The following ZNF440 variants were observed in gnomAD, a reference collection of about 807,000 sequenced individuals.
The protein encoded by ZNF440 is zinc finger protein 440.
In ZNF440, 47 loss-of-function variants were observed where a neutral mutation model predicts 49.7. The observed-to-expected ratio is 0.95, with a 90% CI of 0.75 to 1.21. ZNF440 has a LOEUF of 1.21. ZNF440 is among the 50% of genes most tolerant of loss of function. The pLI is 0.00. For missense variants in ZNF440, 703 were observed against 715.0 expected, an observed-to-expected ratio of 0.98 and a Z score of 0.19; for synonymous variants, 255 against 237.7, an observed-to-expected ratio of 1.07 and a Z score of -0.67.
In ZNF440 at chr19:11,824,693, TC is replaced by T. The variant is rs111254421; in HGVS notation, c.4-5584del. On this transcript the variant is annotated intron_variant, in intron 1 of 3. Transcript: ENST00000304060. ...AGCATTTTTATTCCAGGCTCATAGT[TC>T]CCCCCACCACCCTTTTTTTTTTTTT... 7.2e-3 allele frequency among the ~76,000 whole-genome samples: 1,048 copies of T among 145,902 alleles called. 5 individuals are homozygous for T. The highest frequency in any genetic ancestry group is 0.026 in the African/African-American group (1,008 of 39,348).
At chr19:11,826,732 C>T (rs923125298) in intron 1 of ZNF440, among the ~76,000 whole-genome samples, 2 of 150,034 alleles carry the variant, frequency 1.3e-5, no homozygotes, top group Non-Finnish European at 2.9e-5. Context: ...GGTGCGATCT[C>T]AGCTCACTGC....
Position 11,832,088 on chromosome 19 carries a change from G to T in ZNF440, c.912G>T (p.Arg304Ser). ...CCCGTTATGTTCGTATACATGAAAGGACCCACTCTAGGAAAAATCTCTATG... is the reference window on the plus strand; with the variant it reads ...CCCGTTATGTTCGTATACATGAAAGTACCCACTCTAGGAAAAATCTCTATG... ...TCPRYVRIHE[R>S]THSRKNLYEC... Residue 304 changes from arginine to serine, a missense_variant, in exon 4 of 4, where the codon AGG becomes AGT. By Grantham distance (110) the Arg-to-Ser change is moderately radical (BLOSUM62 -1). Coordinates refer to ENST00000304060, the MANE Select transcript of ZNF440 (RefSeq NM_152357.3). 6 of 1,614,146 alleles carry T rather than the reference G, an allele frequency of 3.7e-6. No individual in the cohort carries two copies. The highest frequency in any genetic ancestry group is 5.1e-6 in the Non-Finnish European group (6 of 1,180,004).
At chr19:11,830,097 T>G in intron 1 of ZNF440, 186 bp from the exon 2 acceptor site, 1 of 1,204,620 alleles carries the variant, frequency 8.3e-7, no homozygotes, top group South Asian at 1.7e-5. Context: ...GCAACAAGAG[T>G]GAAAAAAAAA....
intron 1 of ZNF440, among the ~76,000 whole-genome samples, chr19:11,827,800 A>G (rs1396129216): frequency 1.3e-5 from 2 of 152,110 alleles, no homozygotes; most frequent in East Asian, 3.9e-4. Context: ...TTTATTATGG[A>G]GACGGGTATC....
Position 11,833,814 on chromosome 19 carries a change from G to A in ZNF440, c.*850G>A. 1 of 776,688 alleles carries A rather than the reference G, an allele frequency of 1.3e-6. No homozygotes were observed. Among genetic ancestry groups the A allele is most frequent in the African/African-American group, 1.8e-5 (1 of 55,636 alleles). 48.1% of individuals were successfully genotyped at this position (776,688 alleles called of 1,614,324 possible). A position where few individuals can be genotyped will look rare whatever the true frequency, so the allele number is the denominator to read the frequency against. Reference sequence around the variant, plus strand: ...AATGCATGGAAGGACTCACACTGGAGAAAAACCCTATGAATGTAAGCAGTA... The same window carrying A: ...AATGCATGGAAGGACTCACACTGGAAAAAAACCCTATGAATGTAAGCAGTA... On this transcript the variant is annotated 3_prime_UTR_variant, in exon 4 of 4. Coordinates refer to ENST00000304060, the MANE Select transcript of ZNF440 (RefSeq NM_152357.3).
intron 1 of ZNF440, among the ~76,000 whole-genome samples, chr19:11,828,126 C>T (rs962112159): frequency 6.6e-6 from 1 of 152,160 alleles, no homozygotes; most frequent in Non-Finnish European, 1.5e-5. Flanking sequence ...AAAAATGGAA[C>T]ACTAGGCATA....
At chr19:11,818,659 G>A (rs907279996) in intron 1 of ZNF440, among the ~76,000 whole-genome samples, 11 of 151,890 alleles carry the variant, frequency 7.2e-5, no homozygotes, top group South Asian at 2.1e-4. Context: ...AAGCACCTCC[G>A]CCTCCCAAGT....
At chr19:11,820,288 C>A (rs953233588) in intron 1 of ZNF440, among the ~76,000 whole-genome samples, 2 of 152,144 alleles carry the variant, frequency 1.3e-5, no homozygotes, top group Non-Finnish European at 2.9e-5. Flanking sequence ...GCGATCTCGG[C>A]TCACTGCAAG....
At chr19:11,825,797 TTTTTC>T (rs1248092539) in intron 1 of ZNF440, among the ~76,000 whole-genome samples, 6 of 144,890 alleles carry the variant, frequency 4.1e-5, no homozygotes, top group East Asian at 3.9e-4. Flanking sequence ...TTTTCTTTTT[TTTTTC>T]TTTTCTTTTC....
At chr19:11,829,168 G>A (rs1975903053) in intron 1 of ZNF440, among the ~76,000 whole-genome samples, 1 of 152,022 alleles carries the variant, frequency 6.6e-6, no homozygotes, top group African/African-American at 2.4e-5. Flanking sequence ...GGAGTTTCTT[G>A]TTTGCCCTCT....
At position 11,833,010 on chromosome 19, in the gene ZNF440, G is replaced by T; in HGVS notation, c.*46G>T. 1 of 1,599,482 alleles carries T rather than the reference G, an allele frequency of 6.3e-7. No homozygotes were observed. The highest frequency in any genetic ancestry group is 1.1e-5 in the South Asian group (1 of 89,086). Reference sequence around the variant, plus strand: ...TATAAATGTAAGATATGTGGGAGGGGCTTTTATTCTGCCAAGTCATTTCAA... The same window carrying T: ...TATAAATGTAAGATATGTGGGAGGGTCTTTTATTCTGCCAAGTCATTTCAA... On this transcript the variant is annotated 3_prime_UTR_variant, in exon 4 of 4. Coordinates refer to ENST00000304060, the MANE Select transcript of ZNF440 (RefSeq NM_152357.3).
intron 1 of ZNF440, among the ~76,000 whole-genome samples, chr19:11,824,688 A>G (rs1250907747): frequency 1.3e-5 from 2 of 148,476 alleles, no homozygotes; most frequent in East Asian, 3.9e-4. Flanking sequence ...TTCCAGGCTC[A>G]TAGTTCCCCC....
chr19:11,819,875 A>G (rs1975777778), intron 1 of ZNF440, among the ~76,000 whole-genome samples: 3 of 152,216 alleles, frequency 2.0e-5, no homozygotes, highest in Admixed American at 6.5e-5. Context: ...TTAGAATACT[A>G]CACACAGTTT....
intron 1 of ZNF440, 133 bp from the exon 2 acceptor site, chr19:11,830,150 A>C: frequency 6.6e-7 from 1 of 1,505,780 alleles, no homozygotes; most frequent in Non-Finnish European, 8.9e-7. Flanking sequence ...ACAGGGAGAA[A>C]GAGATCTGAT....
intron 3 of ZNF440, 64 bp downstream of exon 3, chr19:11,830,741 T>C: frequency 6.5e-7 from 1 of 1,527,292 alleles, no homozygotes; most frequent in Admixed American, 2.1e-5. Flanking sequence ...GACAATATAT[T>C]AAAAATAAGT....
Position 11,830,278 on chromosome 19 carries a change from T to G in ZNF440, c.4-5T>G. Reference sequence around the variant, plus strand: ...ATCTTCTTCTACACATGTGAGATGTTTCAGGACCCAGTGGCTTTTAAGGAT... The same window carrying G: ...ATCTTCTTCTACACATGTGAGATGTGTCAGGACCCAGTGGCTTTTAAGGAT... On this transcript the variant is annotated splice_polypyrimidine_tract_variant and splice_region_variant and intron_variant, in intron 1 of 3. Coordinates refer to ENST00000304060, the MANE Select transcript of ZNF440 (RefSeq NM_152357.3). 1 of 1,614,158 alleles carries G rather than the reference T, an allele frequency of 6.2e-7. No homozygotes were observed. The highest frequency in any genetic ancestry group is 8.5e-7 in the Non-Finnish European group (1 of 1,180,026).
chr19:11,828,159 G>A (rs887216237), intron 1 of ZNF440, among the ~76,000 whole-genome samples: 2 of 152,104 alleles, frequency 1.3e-5, no homozygotes, highest in Non-Finnish European at 2.9e-5. Context: ...CTTGTCAGAT[G>A]CCTTTTCTGC....
In ZNF440 at chr19:11,832,074, C is replaced by T. The variant is rs773651526; in HGVS notation, c.898C>T (p.Arg300Cys). The change falls in exon 4 of 4, where the codon CGT becomes TGT. Residue 300 changes from arginine to cysteine, a missense_variant. By Grantham distance (180) the Arg-to-Cys change is radical. Transcript: ENST00000304060. ...AGCATTCACGTGTCCCCGTTATGTTCGTATACATGAAAGGACCCACTCTAG... is the reference window on the plus strand; with the variant it reads ...AGCATTCACGTGTCCCCGTTATGTTTGTATACATGAAAGGACCCACTCTAG... ...GKAFTCPRYV[R>C]IHERTHSRKN... 9 of 1,613,912 alleles carry T rather than the reference C, an allele frequency of 5.6e-6. No individual in the cohort carries two copies. The highest frequency in any genetic ancestry group is 2.2e-5 in the East Asian group (1 of 44,886).
chr19:11,831,650 C>T lies in ZNF440; in HGVS notation c.474C>T (p.Ser158=). The T allele has an allele frequency of 6.2e-7, 1 of 1,614,162 alleles. No homozygotes were observed. The highest frequency in any genetic ancestry group is 8.5e-7 in the Non-Finnish European group (1 of 1,180,018). The change falls in exon 4 of 4, where the codon TCC becomes TCT. Residue 158 remains serine, a synonymous_variant. Transcript: ENST00000304060. ...AAAAAGCCTTCAGATACCGCCCCTC[C>T]TTTAGAACACAAGAAAGGGATCACA... ...QPKKAFRYRP[S]FRTQERDHTG...
Sources: gnomAD v4.1 joint callset for allele counts (sites outside exome capture counted in the v4.1 genomes callset) on GRCh38, gnomAD v4.1.1 for gene constraint, MANE v1.5 for transcripts, NCBI Gene and HGNC (gene_info 2026-07-23, HGNC 2026-07-21) for gene names.